The following SS18L1 variants were observed in gnomAD, a reference collection of about 807,000 sequenced individuals.
SS18L1 encodes the protein calcium-responsive transactivator.
SS18L1 carries 32 observed loss-of-function variants against 70.3 expected under a neutral mutation model. That is an observed-to-expected ratio of 0.46 (90% confidence interval 0.34 to 0.61). The LOEUF (loss-of-function observed/expected upper bound fraction) is 0.61. SS18L1 is among the 20% of genes least tolerant of loss of function. The pLI is 0.01. For synonymous variants in SS18L1, 237 were observed against 229.7 expected (o/e 1.03, Z -0.29); for missense variants, 430 against 542.1 (o/e 0.79, Z 2.05).
chr20:62,151,439 G>T (rs981516817), intron 1 of SS18L1, among the ~76,000 whole-genome samples: 9 of 152,206 alleles, frequency 5.9e-5, no homozygotes, highest in Admixed American at 1.3e-4. Flanking sequence ...TCTCCCTGTG[G>T]GTGCTGGGCT....
intron 1 of SS18L1, among the ~76,000 whole-genome samples, chr20:62,148,215 G>C (rs541273057): frequency 6.6e-6 from 1 of 152,266 alleles, no homozygotes; most frequent in African/African-American, 2.4e-5. Context: ...CGCAGCCACC[G>C]GCCTTGCTCG....
chr20:62,166,317 C>T (rs1202481218), intron 8 of SS18L1, among the ~76,000 whole-genome samples: 1 of 152,210 alleles, frequency 6.6e-6, no homozygotes, highest in African/African-American at 2.4e-5. Context: ...GTGGCTGAGG[C>T]CTTCCCACTG....
intron 10 of SS18L1, among the ~76,000 whole-genome samples, chr20:62,176,369 C>G (rs1035248004): frequency 3.9e-5 from 6 of 152,030 alleles, no homozygotes; most frequent in Non-Finnish European, 7.4e-5. Flanking sequence ...ATAAAGTAGT[C>G]AGGCATGGTG....
chr20:62,150,105 C>T (rs978541567), intron 1 of SS18L1, among the ~76,000 whole-genome samples: 6 of 152,196 alleles, frequency 3.9e-5, no homozygotes, highest in African/African-American at 1.4e-4. Flanking sequence ...AAGCATACAG[C>T]GGTGGGGCCG....
At chr20:62,177,138 G>C (rs994547765) in intron 10 of SS18L1, among the ~76,000 whole-genome samples, 1 of 152,212 alleles carries the variant, frequency 6.6e-6, no homozygotes, top group African/African-American at 2.4e-5. Context: ...AACATGTGCT[G>C]AGGCGGCCAG....
intron 1 of SS18L1, among the ~76,000 whole-genome samples, chr20:62,155,092 G>A (rs2057198642): frequency 6.6e-6 from 1 of 152,156 alleles, no homozygotes; most frequent in African/African-American, 2.4e-5. Context: ...TTAATAATAG[G>A]TTTTGTTGGA....
In SS18L1 at chr20:62,179,440, G is replaced by C; in HGVS notation, c.*232G>C. On this transcript the variant is annotated 3_prime_UTR_variant, in exon 11 of 11. Coordinates refer to ENST00000331758, the MANE Select transcript of SS18L1 (RefSeq NM_198935.3). ...GGTGCTGTGTATAGTATTGTATGTCGGTACACGGAGAGGTATCCTTTTTTT... is the reference window on the plus strand; with the variant it reads ...GGTGCTGTGTATAGTATTGTATGTCCGTACACGGAGAGGTATCCTTTTTTT... 1.8e-6 allele frequency: 1 copy of C among 566,372 alleles called. No individual in the cohort carries two copies. The highest frequency in any genetic ancestry group is 3.2e-6 in the Non-Finnish European group (1 of 315,980). The allele number at this position is 566,372 out of a possible 1,614,324, so 35.1% of individuals were successfully genotyped here.
rs540695890 is a variant in SS18L1, at chr20:62,144,218, G to T, written c.69+329G>T. On this transcript the variant is annotated intron_variant, in intron 1 of 10. Coordinates refer to ENST00000331758, the MANE Select transcript of SS18L1 (RefSeq NM_198935.3). ...GAGCGCGCTGTCCCCCGAGTCCGCG[G>T]CGCGCGCTGGGAACTGTCCTGGGCT... Among the ~76,000 whole-genome samples the T allele has an allele frequency of 4.6e-5, 7 of 151,880 alleles. No individual in the cohort carries two copies. In the South Asian group the frequency reaches 1.2e-3, roughly 27 times the overall value.
At chr20:62,164,319 CA>C in intron 7 of SS18L1, 73 bp downstream of exon 7, 4 of 1,209,360 alleles carry the variant, frequency 3.3e-6, no homozygotes, top group Non-Finnish European at 4.6e-6. Flanking sequence ...GCAAGGAGGG[CA>C]AGGAGGGTGT....
chr20:62,146,691 TCCGCGC>T (rs2057034972), intron 1 of SS18L1, among the ~76,000 whole-genome samples: 1 of 133,728 alleles, frequency 7.5e-6, no homozygotes, highest in Admixed American at 8.8e-5. Flanking sequence ...GCTCACAACC[TCCGCGC>T]CCCCGCCCAC....
At chr20:62,156,006 A>T (rs1301094433) in intron 1 of SS18L1, among the ~76,000 whole-genome samples, 1 of 132,110 alleles carries the variant, frequency 7.6e-6, no homozygotes, top group Non-Finnish European at 1.6e-5. Flanking sequence ...ATACATGAGA[A>T]AGTTCTCTGT....
Position 62,151,333 on chromosome 20 carries a change from C to A in SS18L1, c.70-7339C>A, listed in dbSNP as rs371875210. On this transcript the variant is annotated intron_variant, in intron 1 of 10. Transcript: ENST00000331758. The stretch of plus-strand genomic sequence containing the variant: ...GCCCTGGGCCCTCCAAGCCAAGCCC[C>A]GTGTCCCCCGTCAGTCCCCGCTTGC... Among the ~76,000 whole-genome samples, 8 of 152,294 alleles carry A rather than the reference C, an allele frequency of 5.3e-5. No homozygotes were observed. The East Asian group carries it at 1.5e-3, about 29-fold the overall frequency.
intron 5 of SS18L1, 68 bp from the exon 6 acceptor site, chr20:62,163,390 T>C: frequency 6.3e-7 from 1 of 1,593,438 alleles, no homozygotes; most frequent in Non-Finnish European, 8.5e-7. Context: ...GCGCAGGAGG[T>C]AGTTGGGTGT....
At chr20:62,169,125 C>T (rs370900921) in intron 8 of SS18L1, among the ~76,000 whole-genome samples, 14 of 152,284 alleles carry the variant, frequency 9.2e-5, no homozygotes, top group African/African-American at 2.4e-4. Flanking sequence ...TTTGCAGTGA[C>T]GCATACTGGA....
rs553374058 is a variant in SS18L1 at position 62,154,644 on chromosome 20, C to T, written c.70-4028C>T. 2.3e-4 allele frequency among the ~76,000 whole-genome samples: 35 copies of T among 152,348 alleles called. No individual in the cohort carries two copies. In the South Asian group the frequency reaches 6.4e-3, roughly 28 times the overall value. ...GCCCATGTAGGAGGCTCCGTGCTGT[C>T]GGAATCCACTGTCCTTCACGTGGAA... On this transcript the variant is annotated intron_variant, in intron 1 of 10. Transcript: ENST00000331758.
chr20:62,166,897 C>T (rs1374995613), intron 8 of SS18L1, among the ~76,000 whole-genome samples: 2 of 150,656 alleles, frequency 1.3e-5, no homozygotes, highest in East Asian at 4.0e-4. Context: ...TGCACTCCAG[C>T]CTGGGCAACA....
chr20:62,167,422 G>A (rs534971923), intron 8 of SS18L1, among the ~76,000 whole-genome samples: 11 of 151,552 alleles, frequency 7.3e-5, no homozygotes, highest in South Asian at 2.1e-4. Context: ...AATGCCGGGC[G>A]TGGTGGCGGG....
Position 62,154,335 on chromosome 20 carries a change from G to A in SS18L1, c.70-4337G>A, listed in dbSNP as rs755025091. On this transcript the variant is annotated intron_variant, in intron 1 of 10. Coordinates refer to ENST00000331758, the MANE Select transcript of SS18L1 (RefSeq NM_198935.3). ...TGCCCTTGGTTTGGGTACAAGGTGC[G>A]TTTTCCTAACTTGCGGGTCTGAAAG... 777 of 1,047,926 alleles carry A rather than the reference G, an allele frequency of 7.4e-4. 1 individual carries two copies. The highest frequency in any genetic ancestry group is 8.8e-4 in the Non-Finnish European group (760 of 868,346). 64.9% of individuals were successfully genotyped at this position (1,047,926 alleles called of 1,614,324 possible).
chr20:62,156,554 C>T (rs1481964839), intron 1 of SS18L1, among the ~76,000 whole-genome samples: 1 of 152,244 alleles, frequency 6.6e-6, no homozygotes, highest in African/African-American at 2.4e-5. Flanking sequence ...GAAACCAACC[C>T]TGAAGTCGTG....
Sources: gnomAD v4.1 joint callset for allele counts (sites outside exome capture counted in the v4.1 genomes callset) on GRCh38, gnomAD v4.1.1 for gene constraint, MANE v1.5 for transcripts, NCBI Gene and HGNC (gene_info 2026-07-23, HGNC 2026-07-21) for gene names.